Variants in KIAA1671 observed in about 807,000 individuals in gnomAD.
The protein encoded by KIAA1671 is uncharacterized protein KIAA1671.
KIAA1671 carries 52 observed loss-of-function variants against 131.2 expected under a neutral mutation model. That is an observed-to-expected ratio of 0.40 (90% confidence interval 0.32 to 0.50). The LOEUF is 0.50. Among genes scored for constraint, KIAA1671 ranks in the 20% least tolerant of loss-of-function variants. The probability of loss-of-function intolerance (pLI) is 0.73; values close to 1 mark genes in which losing one functional copy is unlikely to be tolerated. For synonymous variants in KIAA1671, 1,003 were observed against 961.6 expected, an observed-to-expected ratio of 1.04 and a Z score of -0.80; for missense variants, 2,360 against 2,364.2, an observed-to-expected ratio of 1.00 and a Z score of 0.04.
intron 6 of KIAA1671, among the ~76,000 whole-genome samples, chr22:25,147,233 C>T (rs539253466): frequency 6.7e-6 from 1 of 148,834 alleles, no homozygotes; most frequent in Admixed American, 6.7e-5. Context: ...TATTCTGTCA[C>T]CCTGGCTGGA....
At chr22:25,174,558 C>T (rs1933960317) in intron 8 of KIAA1671, 69 bp downstream of exon 8, 2 of 1,455,526 alleles carry the variant, frequency 1.4e-6, no homozygotes, top group Admixed American at 2.5e-5. Flanking sequence ...ATTGCCACTT[C>T]AGGTGTAGGA....
At position 25,112,971 on chromosome 22, in the gene KIAA1671, C is replaced by A. The variant is rs547426755; in HGVS notation, c.4531-57849C>A. On this transcript the variant is annotated intron_variant, in intron 6 of 12. Coordinates refer to ENST00000358431, the MANE Select transcript of KIAA1671 (RefSeq NM_001145206.2). ...GTGGTGGGCGAGTTTGCCCGCTGGC[C>A]GTGAACCTTGGGTTTGGTGTGAGTG... Among the ~76,000 whole-genome samples the A allele has an allele frequency of 3.2e-4, 49 of 152,142 alleles. 1 individual carries two copies. The highest frequency in any genetic ancestry group is 1.2e-3 in the African/African-American group (48 of 41,510).
chr22:25,188,295 C>T (rs930881994), intron 11 of KIAA1671, among the ~76,000 whole-genome samples: 22 of 122,460 alleles, frequency 1.8e-4, no homozygotes, highest in African/African-American at 2.2e-4. Context: ...AGAGAGACTC[C>T]GTCTCAAAAC....
rs1031266557 is a variant in KIAA1671 at position 25,102,279 on chromosome 22, C to T, written c.4530+52915C>T. 7.2e-5 allele frequency among the ~76,000 whole-genome samples: 11 copies of T among 152,292 alleles called. No homozygotes were observed. The South Asian group carries it at 1.2e-3, about 17-fold the overall frequency. On this transcript the variant is annotated intron_variant, in intron 6 of 12. Transcript: ENST00000358431. The stretch of plus-strand genomic sequence containing the variant: ...GACTGTGAGGCCTTAGGGCAGCCCT[C>T]GGTCTGGGCCTGTTTCTTCAGTTTA...
chr22:24,957,633 C>T (rs1026181791), intron 1 of KIAA1671, among the ~76,000 whole-genome samples: 13 of 147,858 alleles, frequency 8.8e-5, no homozygotes, highest in East Asian at 2.0e-4. Flanking sequence ...ATCAGAGCTG[C>T]GCTGTTATGC....
chr22:25,056,597 A>G (rs1927851558), intron 6 of KIAA1671: 1 of 148,634 alleles, frequency 6.7e-6, no homozygotes, highest in African/African-American at 2.5e-5. Context: ...GGCGGGGTGG[A>G]TCATGAGGTC....
chr22:24,975,857 T>G (rs916686858), intron 1 of KIAA1671, among the ~76,000 whole-genome samples: 3 of 152,138 alleles, frequency 2.0e-5, no homozygotes, highest in Non-Finnish European at 4.4e-5. Flanking sequence ...TCCCCTGGCC[T>G]CCCTTTGCAC....
chr22:25,038,955 A>G lies in KIAA1671; in HGVS notation c.1825A>G (p.Thr609Ala). 1.3e-6 allele frequency: 2 copies of G among 1,551,720 alleles called. No homozygotes were observed. The highest frequency in any genetic ancestry group is 1.7e-6 in the Non-Finnish European group (2 of 1,147,010). Residue 609 changes from threonine (T) to alanine (A), a missense_variant, in exon 5 of 13, where the codon ACT becomes GCT. Physicochemically the swap from Thr to Ala is moderately conservative, Grantham distance 58 (BLOSUM62 0). Coordinates refer to ENST00000358431, the MANE Select transcript of KIAA1671 (RefSeq NM_001145206.2). Reference protein sequence around the residue: ...VTPEDDRSFQTVWATVFEHHV... With the variant: ...VTPEDDRSFQAVWATVFEHHV... ...TCCAGAGGATGACCGGAGCTTCCAG[A>G]CTGTGTGGGCCACAGTATTTGAGCA...
At chr22:25,042,463 G>GTTTTTTT (rs3063202) in intron 5 of KIAA1671, among the ~76,000 whole-genome samples, 6 of 104,882 alleles carry the variant, frequency 5.7e-5, no homozygotes, top group African/African-American at 1.1e-4. Context: ...GCAGTCCCTT[G>GTTTTTTT]TTTTTTTTTT....
chr22:25,106,035 A>T (rs2145904649), intron 6 of KIAA1671, among the ~76,000 whole-genome samples: 1 of 152,292 alleles, frequency 6.6e-6, no homozygotes, highest in African/African-American at 2.4e-5. Flanking sequence ...AGCAGTAGTG[A>T]TGGTGGTGAT....
chr22:25,137,446 A>G (rs565168115), intron 6 of KIAA1671, among the ~76,000 whole-genome samples: 2 of 152,340 alleles, frequency 1.3e-5, no homozygotes, highest in African/African-American at 4.8e-5. Flanking sequence ...TGGAATGGTT[A>G]TTATTCATGA....
intron 6 of KIAA1671, among the ~76,000 whole-genome samples, chr22:25,097,015 T>C (rs1415093657): frequency 6.6e-6 from 1 of 152,240 alleles, no homozygotes; most frequent in African/African-American, 2.4e-5. Flanking sequence ...TCCCTTCTCT[T>C]GTTGACCGGC....
intron 1 of KIAA1671, among the ~76,000 whole-genome samples, chr22:24,985,494 C>A (rs777932135): frequency 2.1e-4 from 32 of 152,062 alleles, no homozygotes; most frequent in Non-Finnish European, 3.8e-4. Flanking sequence ...CGCCCGCCAC[C>A]GCGCCCGGCT....
At chr22:25,179,696 T>C (rs1284286856) in intron 9 of KIAA1671, 3 of 598,246 alleles carry the variant, frequency 5.0e-6, no homozygotes, top group African/African-American at 1.9e-5. Context: ...AGTATATTAA[T>C]TGAGGCTCTT....
At chr22:25,046,971 GTTT>G (rs151333876) in intron 5 of KIAA1671, among the ~76,000 whole-genome samples, 19 of 125,594 alleles carry the variant, frequency 1.5e-4, no homozygotes, top group South Asian at 2.5e-4. Context: ...TGTCTTGAGA[GTTT>G]TTTTTTTTTT....
At chr22:25,081,638 G>T (rs935400860) in intron 6 of KIAA1671, among the ~76,000 whole-genome samples, 2 of 150,152 alleles carry the variant, frequency 1.3e-5, no homozygotes, top group Admixed American at 6.6e-5. Context: ...TTTTAAGCAT[G>T]TGCAGAGCTA....
At chr22:25,062,059 T>G (rs1275096587) in intron 6 of KIAA1671, 2 of 150,658 alleles carry the variant, frequency 1.3e-5, no homozygotes, top group Non-Finnish European at 3.0e-5. Context: ...TTTTTTTTTC[T>G]TTTTAAAAAT....
chr22:25,102,253 G>C (rs1024588252), intron 6 of KIAA1671, among the ~76,000 whole-genome samples: 1 of 152,142 alleles, frequency 6.6e-6, no homozygotes, highest in Non-Finnish European at 1.5e-5. Context: ...TGCTGCAGAT[G>C]GACTGTGAGG....
Position 25,185,454 on chromosome 22 carries a change from C to T in KIAA1671, c.5342+335C>T, listed in dbSNP as rs982988583. The T allele has an allele frequency of 1.1e-5, 3 of 264,488 alleles. No homozygotes were observed. The Admixed American group carries it at 1.4e-4, about 13-fold the overall frequency. 16.4% of individuals were successfully genotyped at this position (264,488 alleles called of 1,614,324 possible). A position where few individuals can be genotyped will look rare whatever the true frequency, so the allele number is the denominator to read the frequency against. On this transcript the variant is annotated intron_variant, in intron 11 of 12. Transcript: ENST00000358431. ...CGATGGGGAAACTGAGGCATTCTCC[C>T]TCCTCTTCCCCTTTGGGGAAGTATC... is the stretch of plus-strand genomic sequence containing the variant.
Sources: gnomAD v4.1 joint callset for allele counts (sites outside exome capture counted in the v4.1 genomes callset) on GRCh38, gnomAD v4.1.1 for gene constraint, MANE v1.5 for transcripts, NCBI Gene and HGNC (gene_info 2026-07-23, HGNC 2026-07-21) for gene names.